GRIN2C: variants seen among roughly 807,000 people sequenced by gnomAD.
GRIN2C encodes the protein glutamate receptor ionotropic, NMDA 2C.
In GRIN2C, 64 loss-of-function variants were observed where a neutral mutation model predicts 77.7. That is an observed-to-expected ratio of 0.82 (90% CI 0.67 to 1.01). The LOEUF is 1.01. GRIN2C is among the 50% of genes least tolerant of loss of function. GRIN2C has a pLI of 0.00. For synonymous variants in GRIN2C, 792 were observed against 643.4 expected, an observed-to-expected ratio of 1.23 and a Z score of -3.49; for missense variants, 1,549 against 1,486.0, an observed-to-expected ratio of 1.04 and a Z score of -0.70.
At position 74,852,336 on chromosome 17, in the gene GRIN2C, C is replaced by A; in HGVS notation, c.675G>T (p.Val225=). The stretch of plus-strand genomic sequence containing the variant: ...CGGCCTCCTCGCGCGAGCAGTAGGC[C>A]ACAAACACGGGCGCGTCGAGCTGGC... The part of the protein sequence containing the change: ...LLRQLDAPVF[V]AYCSREEAEV... Residue 225 remains valine (V), a synonymous_variant, in exon 3 of 13, where the codon GTG becomes GTT. Coordinates refer to ENST00000293190, the MANE Select transcript of GRIN2C (RefSeq NM_000835.6). 6.9e-7 allele frequency: 1 copy of A among 1,458,342 alleles called. No individual in the cohort carries two copies. Among genetic ancestry groups the A allele is most frequent in the Non-Finnish European group, 9.0e-7 (1 of 1,112,530 alleles). 90.3% of individuals were successfully genotyped at this position (1,458,342 alleles called of 1,614,324 possible).
upstream of GRIN2C, chr17:74,860,920 G>A (rs573963009): frequency 1.4e-5 from 3 of 210,500 alleles, no homozygotes; most frequent in South Asian, 6.0e-5. Flanking sequence ...GGGGCACTGG[G>A]CTGGGGAGCC....
In GRIN2C at chr17:74,847,624, C is replaced by T. The variant is rs1220172628; in HGVS notation, c.1772-87G>A. On this transcript the variant is annotated intron_variant, in intron 8 of 12. Transcript: ENST00000293190. The surrounding 1 kb of genome is among the most constrained non-coding windows in gnomAD (Gnocchi z 5.2). The stretch of plus-strand genomic sequence containing the variant: ...CTCAGCCCACCCGACTGCACAGCTC[C>T]GGTCTCAGCCTGGCCTTGGGGGGGA... 26 of 1,051,770 alleles carry T rather than the reference C, an allele frequency of 2.5e-5. No homozygotes were observed. Among genetic ancestry groups the T allele is most frequent in the Admixed American group, 1.2e-4 (6 of 48,552 alleles). The allele number at this position is 1,051,770 out of a possible 1,614,324, so 65.2% of individuals were successfully genotyped here.
chr17:74,845,870 C>T (rs1005790663), intron 11 of GRIN2C, among the ~76,000 whole-genome samples, 196 bp downstream of exon 11: 11 of 152,072 alleles, frequency 7.2e-5, no homozygotes, highest in Non-Finnish European at 1.2e-4. Context: ...TTCCTGCTCC[C>T]GCCCTGCACA....
chr17:74,846,546 A>T lies in GRIN2C; in HGVS notation c.2162+214T>A, dbSNP rs192264720. Among the ~76,000 whole-genome samples, 82 of 146,780 alleles carry T rather than the reference A, an allele frequency of 5.6e-4. No homozygotes were observed. The highest frequency in any genetic ancestry group is 1.0e-3 in the South Asian group (5 of 4,766). On this transcript the variant is annotated intron_variant, in intron 10 of 12. Transcript: ENST00000293190. This position sits in a 1 kb window ranked among gnomAD's most constrained non-coding sequence, Gnocchi z 4.4. ...AGGTCCCAACCACCACCTCAGGCTG[A>T]GGCTGAACTTTGATTGGCACCACAG...
chr17:74,860,419 G>C, upstream of GRIN2C: 1 of 456,630 alleles, frequency 2.2e-6, no homozygotes. Flanking sequence ...GTGGGCATCA[G>C]GGCCTGGCGG....
At chr17:74,845,954 C>G in intron 11 of GRIN2C, 112 bp downstream of exon 11, 3 of 998,798 alleles carry the variant, frequency 3.0e-6, no homozygotes, top group Non-Finnish European at 4.6e-6. Flanking sequence ...CCTCTCACCC[C>G]CCAGAGACCT....
Position 74,850,748 on chromosome 17 carries a change from C to A in GRIN2C, c.1133G>T (p.Gly378Val). ...CACGGGGTACTTCATGTATAGGACG[C>A]CATGCTCCCAGCGCCCCACCTGTGG... ...LWEMVGRWEH[G>V]VLYMKYPVWP... is the part of the protein sequence containing the mutation. The change falls in exon 5 of 13, where the codon GGC becomes GTC. Residue 378 changes from glycine (G) to valine (V), a missense_variant. Gly to Val is a moderately radical substitution (Grantham distance 109). Coordinates refer to ENST00000293190, the MANE Select transcript of GRIN2C (RefSeq NM_000835.6). This position sits in a 1 kb window ranked among gnomAD's most constrained non-coding sequence, Gnocchi z 5.3. The A allele has an allele frequency of 1.2e-6, 2 of 1,612,618 alleles. No individual in the cohort carries two copies. Among genetic ancestry groups the A allele is most frequent in the Non-Finnish European group, 1.7e-6 (2 of 1,179,694 alleles).
chr17:74,857,255 C>G (rs1163878083), intron 1 of GRIN2C, among the ~76,000 whole-genome samples: 1 of 152,180 alleles, frequency 6.6e-6, no homozygotes, highest in Non-Finnish European at 1.5e-5. Flanking sequence ...GTATGAGGGA[C>G]TGATCATAGC....
chr17:74,843,703 G>C (rs2037373927), intron 12 of GRIN2C, 150 bp from the exon 13 acceptor site: 1 of 1,038,038 alleles, frequency 9.6e-7, no homozygotes, highest in Non-Finnish European at 1.4e-6. Context: ...GCCAGGCACT[G>C]TGCTTTGCAG....
Position 74,847,258 on chromosome 17 carries a change from T to TGCCCCCCC in GRIN2C, c.2001+49_2001+50insGGGGGGGC. On this transcript the variant is annotated intron_variant, in intron 9 of 12. Coordinates refer to ENST00000293190, the MANE Select transcript of GRIN2C (RefSeq NM_000835.6). This position sits in a 1 kb window ranked among gnomAD's most constrained non-coding sequence, Gnocchi z 5.2. ...CCAGGGCCTGCCCACTCACGGCCTGTCCCCACCCTCAGTGCCCCCCCCCAC... is the reference window on the plus strand; with the variant it reads ...CCAGGGCCTGCCCACTCACGGCCTGTGCCCCCCCCCCCACCCTCAGTGCCCCCCCCCAC... 12 of 925,822 alleles carry TGCCCCCCC rather than the reference T, an allele frequency of 1.3e-5. No individual in the cohort carries two copies. Among genetic ancestry groups the TGCCCCCCC allele is most frequent in the Middle Eastern group, 5.8e-4 (2 of 3,470 alleles). The allele number at this position is 925,822 out of a possible 1,614,324, so 57.4% of individuals were successfully genotyped here.
rs757323508 is a variant in GRIN2C at position 74,849,822 on chromosome 17, C to T, written c.1603G>A (p.Val535Met). Reference sequence around the variant, plus strand: ...GAGACGGTGCCATTGCTGCGAGCCACCATCACACTGATGCCCGTCTCCACA... The same window carrying T: ...GAGACGGTGCCATTGCTGCGAGCCATCATCACACTGATGCCCGTCTCCACA... The part of the protein sequence containing the change: ...PFVETGISVM[V>M]ARSNGTVSPS... Residue 535 changes from valine (V) to methionine (M), a missense_variant, in exon 7 of 13, where the codon GTG becomes ATG. Around this residue, in one of 3 missense-constraint regions of GRIN2C, gnomAD observed 717 missense variants for 858.1 expected, o/e 0.84. Transcript: ENST00000293190. This position sits in a 1 kb window ranked among gnomAD's most constrained non-coding sequence, Gnocchi z 4.6. The T allele has an allele frequency of 6.2e-7, 1 of 1,613,390 alleles. No individual in the cohort carries two copies. Among genetic ancestry groups the T allele is most frequent in the Non-Finnish European group, 8.5e-7 (1 of 1,179,806 alleles).
In GRIN2C at chr17:74,847,942, C is replaced by G; in HGVS notation, c.1681G>C (p.Val561Leu). The G allele has an allele frequency of 4.3e-6, 7 of 1,614,096 alleles. No homozygotes were observed. The highest frequency in any genetic ancestry group is 5.1e-6 in the Non-Finnish European group (6 of 1,179,974). ...YSPAVWVMMF[V>L]MCLTVVAITV... ...ATGGCCACCACAGTGAGGCACATGA[C>G]AAACATCATCACCCACACTGCAGGG... The change falls in exon 8 of 13, where the codon GTC (valine) becomes CTC (leucine). Residue 561 changes from valine (V) to leucine (L), a missense_variant. Transcript: ENST00000293190. This position sits in a 1 kb window ranked among gnomAD's most constrained non-coding sequence, Gnocchi z 5.2.
chr17:74,852,560 G>T lies in GRIN2C; in HGVS notation c.451C>A (p.Gln151Lys). ...TCTTCCAGCACCTTGAACAGCACCT[G>T]CAGCTGCTGCTCCAGGGACACGCCC... is the stretch of plus-strand genomic sequence containing the variant. ...QLGVSLEQQLQVLFKVLEEYD... is the reference protein window; with the variant it reads ...QLGVSLEQQLKVLFKVLEEYD... Residue 151 changes from glutamine (Q) to lysine (K), a missense_variant, in exon 3 of 13, where the codon CAG (glutamine) becomes AAG (lysine). By Grantham distance (53) the Gln-to-Lys change is moderately conservative. This residue lies in a region of GRIN2C where 382 missense variants were observed against 360.0 expected (regional missense o/e 1.06). Coordinates refer to ENST00000293190, the MANE Select transcript of GRIN2C (RefSeq NM_000835.6). 6.6e-7 allele frequency: 1 copy of T among 1,510,270 alleles called. No individual in the cohort carries two copies. Among genetic ancestry groups the T allele is most frequent in the Non-Finnish European group, 8.8e-7 (1 of 1,133,184 alleles). The allele number at this position is 1,510,270 out of a possible 1,614,324, so 93.6% of individuals were successfully genotyped here.
rs111801951 is a variant in GRIN2C, at chr17:74,854,453, AG to A, written c.399+240del. The A allele has an allele frequency of 9.9e-3, 4,606 of 465,428 alleles. 167 individuals carry two copies. The highest frequency in any genetic ancestry group is 0.075 in the African/African-American group (3,851 of 51,018). The allele number at this position is 465,428 out of a possible 1,614,324, so 28.8% of individuals were successfully genotyped here. A position where few individuals can be genotyped will look rare whatever the true frequency, so the allele number is the denominator to read the frequency against. ...GCTGGGGCCTGAGCCCCACAGCCAG[AG>A]GGTGGGCCTGCACCCTGCCCACCCC... On this transcript the variant is annotated intron_variant, in intron 2 of 12. Coordinates refer to ENST00000293190, the MANE Select transcript of GRIN2C (RefSeq NM_000835.6).
rs902643838 is a variant in GRIN2C at position 74,850,240 on chromosome 17, C to T, written c.1457G>A (p.Arg486Gln). 7 of 1,613,654 alleles carry T rather than the reference C, an allele frequency of 4.3e-6. No individual in the cohort carries two copies. The highest frequency in any genetic ancestry group is 2.2e-5 in the East Asian group (1 of 44,888). The change falls in exon 6 of 13, where the codon CGG becomes CAG. Residue 486 changes from arginine (R) to glutamine (Q), a missense_variant. Around this residue, in one of 3 missense-constraint regions of GRIN2C, gnomAD observed 717 missense variants for 858.1 expected, o/e 0.84. Coordinates refer to ENST00000293190, the MANE Select transcript of GRIN2C (RefSeq NM_000835.6). The surrounding 1 kb of genome is among the most constrained non-coding windows in gnomAD (Gnocchi z 5.3). Reference sequence around the variant, plus strand: ...CATGCCGTTCCATACGCCGCGCACCCGCTTGCCATGCTTGCCGTTGGTCAC... The same window carrying T: ...CATGCCGTTCCATACGCCGCGCACCTGCTTGCCATGCTTGCCGTTGGTCAC... ...YLVTNGKHGK[R>Q]VRGVWNGMIG...
chr17:74,844,924 T>C (rs1194353230), intron 11 of GRIN2C, among the ~76,000 whole-genome samples: 1 of 151,948 alleles, frequency 6.6e-6, no homozygotes, highest in African/African-American at 2.4e-5. Context: ...ATTGCTCTTA[T>C]TATTATTATT....
Position 74,850,139 on chromosome 17 carries a change from G to T in GRIN2C, c.1491+67C>A. On this transcript the variant is annotated intron_variant, in intron 6 of 12. Transcript: ENST00000293190. The surrounding 1 kb of genome is among the most constrained non-coding windows in gnomAD (Gnocchi z 5.3). ...GCCCCCCTCTAGAGGGCATCTGAGA[G>T]CCACATGGGGCCTGGGCAGCAGGTG... 1 of 1,557,042 alleles carries T rather than the reference G, an allele frequency of 6.4e-7. No individual in the cohort carries two copies. Among genetic ancestry groups the T allele is most frequent in the Non-Finnish European group, 8.8e-7 (1 of 1,135,610 alleles).
rs1021391999 is a variant in GRIN2C, at chr17:74,847,022, T to C, written c.2002-102A>G. The stretch of plus-strand genomic sequence containing the variant: ...AGCCCAGCCCCAGTGTGGACTTGCA[T>C]AGTCAGAGCAGAAGGTCTTAAAGGC... On this transcript the variant is annotated intron_variant, in intron 9 of 12. Transcript: ENST00000293190. The surrounding 1 kb of genome is among the most constrained non-coding windows in gnomAD (Gnocchi z 5.2). 7.9e-7 allele frequency: 1 copy of C among 1,273,426 alleles called. No individual in the cohort carries two copies. Among genetic ancestry groups the C allele is most frequent in the Non-Finnish European group, 1.1e-6 (1 of 917,606 alleles). 78.9% of individuals were successfully genotyped at this position (1,273,426 alleles called of 1,614,324 possible).
Position 74,842,954 on chromosome 17 carries a change from G to A in GRIN2C, c.3183C>T (p.Ala1061=). ...CCGCGTGCAGCAGGGCCTCCCGCCG[G>A]GCCAGCTGCTCCGGACCGAGCAGCG... ...DLPLLGPEQL[A]RREALLHAAW... Residue 1061 remains alanine, a synonymous_variant, in exon 13 of 13, where the codon GCC becomes GCT. Transcript: ENST00000293190. The A allele has an allele frequency of 1.8e-6, 1 of 546,954 alleles. No individual in the cohort carries two copies. The highest frequency in any genetic ancestry group is 3.2e-6 in the Non-Finnish European group (1 of 313,786). 33.9% of individuals were successfully genotyped at this position (546,954 alleles called of 1,614,324 possible).
Sources: gnomAD v4.1 joint callset for allele counts (sites outside exome capture counted in the v4.1 genomes callset) on GRCh38, gnomAD v4.1.1 for gene constraint, gnomAD v4.1.1 regional missense constraint, Gnocchi (gnomAD v3.1) non-coding constraint, MANE v1.5 for transcripts, NCBI Gene and HGNC (gene_info 2026-07-23, HGNC 2026-07-21) for gene names.